The following EEFSEC variants were observed in gnomAD, a reference collection of about 807,000 sequenced individuals.
The protein encoded by EEFSEC is selenocysteine-specific elongation factor.
In EEFSEC, 43 loss-of-function variants were observed where a neutral mutation model predicts 42.1. The ratio of observed to expected loss-of-function variants is 1.02; its 90% CI spans 0.80 to 1.32. The LOEUF is 1.32. EEFSEC is among the 40% of genes most tolerant of loss of function. The probability of loss-of-function intolerance (pLI) is 0.00; values close to 1 mark genes in which losing one functional copy is unlikely to be tolerated. For synonymous variants in EEFSEC, 354 were observed against 339.1 expected (o/e 1.04, Z -0.48); for missense variants, 745 against 803.6 (o/e 0.93, Z 0.88).
At chr3:128,357,789 T>C (rs979723739) in intron 5 of EEFSEC, among the ~76,000 whole-genome samples, 9 of 145,898 alleles carry the variant, frequency 6.2e-5, no homozygotes, top group Non-Finnish European at 1.2e-4. Flanking sequence ...GGCTGGGTCA[T>C]TGTGGCCCCC....
intron 1 of EEFSEC, among the ~76,000 whole-genome samples, chr3:128,181,424 C>T (rs1266002695): frequency 6.6e-6 from 1 of 152,222 alleles, no homozygotes; most frequent in Non-Finnish European, 1.5e-5. Flanking sequence ...GCATTCTGAA[C>T]ACTTTTTTGT....
chr3:128,167,658 C>T (rs2065254720), intron 1 of EEFSEC, among the ~76,000 whole-genome samples: 1 of 152,248 alleles, frequency 6.6e-6, no homozygotes, highest in African/African-American at 2.4e-5. Context: ...GGGAACACGG[C>T]GACCTCAGTG....
chr3:128,163,473 T>G (rs2065211622), intron 1 of EEFSEC, among the ~76,000 whole-genome samples: 2 of 152,148 alleles, frequency 1.3e-5, no homozygotes, highest in African/African-American at 4.8e-5. Context: ...ATAATAATTT[T>G]AAAAACATTT....
chr3:128,215,035 G>A (rs995512611), intron 1 of EEFSEC, among the ~76,000 whole-genome samples: 3 of 152,200 alleles, frequency 2.0e-5, no homozygotes, highest in African/African-American at 4.8e-5. Flanking sequence ...TATTGTGGTT[G>A]TAATAATGTT....
At position 128,375,749 on chromosome 3, in the gene EEFSEC, C is replaced by T. The variant is rs896308799; in HGVS notation, c.1600+17376C>T. ...ACTCCCTGGACAGAGAGCTCTGAAT[C>T]CCAGGTGGCTCCACACTCATTCCAC... On this transcript the variant is annotated intron_variant, in intron 6 of 6. Coordinates refer to ENST00000254730, the MANE Select transcript of EEFSEC (RefSeq NM_021937.5). Among the ~76,000 whole-genome samples, 4 of 152,296 alleles carry T rather than the reference C, an allele frequency of 2.6e-5. No homozygotes were observed. In the East Asian group the frequency reaches 7.7e-4, roughly 29 times the overall value.
At chr3:128,365,783 G>A (rs2067583275) in intron 6 of EEFSEC, among the ~76,000 whole-genome samples, 3 of 152,146 alleles carry the variant, frequency 2.0e-5, no homozygotes, top group African/African-American at 7.2e-5. Context: ...GTGCCACAAG[G>A]ACCTCTCCAA....
chr3:128,224,612 C>T (rs914173946), intron 1 of EEFSEC, among the ~76,000 whole-genome samples: 1 of 152,158 alleles, frequency 6.6e-6, no homozygotes, highest in Non-Finnish European at 1.5e-5. Context: ...TCTCTCTCTC[C>T]CCTGCTTTTC....
At chr3:128,295,980 T>C (rs775579639) in intron 4 of EEFSEC, among the ~76,000 whole-genome samples, 8 of 152,200 alleles carry the variant, frequency 5.3e-5, no homozygotes, top group Admixed American at 2.6e-4. Context: ...GAGTGACCTA[T>C]AGGGCAGCTT....
intron 6 of EEFSEC, among the ~76,000 whole-genome samples, chr3:128,397,378 C>T (rs2067993857): frequency 6.6e-6 from 1 of 152,252 alleles, no homozygotes; most frequent in South Asian, 2.1e-4. Context: ...CAGGCAACCA[C>T]TGGGCCTGCC....
At chr3:128,313,909 C>T (rs1205472813) in intron 4 of EEFSEC, among the ~76,000 whole-genome samples, 1 of 152,218 alleles carries the variant, frequency 6.6e-6, no homozygotes, top group Non-Finnish European at 1.5e-5. Flanking sequence ...GCAGCCACTG[C>T]TGCTGCCATT....
At chr3:128,322,230 C>T (rs1576636137) in intron 4 of EEFSEC, among the ~76,000 whole-genome samples, 1 of 152,256 alleles carries the variant, frequency 6.6e-6, no homozygotes, top group Non-Finnish European at 1.5e-5. Flanking sequence ...CAAATCCCAG[C>T]TCTGCCACCT....
chr3:128,407,156 G>A (rs377099935), intron 6 of EEFSEC, among the ~76,000 whole-genome samples: 20 of 152,086 alleles, frequency 1.3e-4, no homozygotes, highest in South Asian at 2.1e-4. Context: ...GAGTGGGTGC[G>A]TGTCGGGGCA....
chr3:128,340,311 G>A (rs2067236172), intron 4 of EEFSEC, among the ~76,000 whole-genome samples: 1 of 151,556 alleles, frequency 6.6e-6, no homozygotes, highest in African/African-American at 2.4e-5. Context: ...ACCTGGCCTT[G>A]TTTTCTTTAT....
chr3:128,357,354 C>G (rs1239993390), intron 5 of EEFSEC, among the ~76,000 whole-genome samples: 1 of 152,250 alleles, frequency 6.6e-6, no homozygotes, highest in African/African-American at 2.4e-5. Context: ...TTTTCACAGA[C>G]ATGTGTGTCC....
chr3:128,163,560 ATTTCAC>A (rs2065212744), intron 1 of EEFSEC, among the ~76,000 whole-genome samples: 1 of 151,940 alleles, frequency 6.6e-6, no homozygotes, highest in Non-Finnish European at 1.5e-5. Context: ...AAATTCACCC[ATTTCAC>A]TGAGTGTACA....
At chr3:128,300,108 C>T (rs968138543) in intron 4 of EEFSEC, among the ~76,000 whole-genome samples, 2 of 152,196 alleles carry the variant, frequency 1.3e-5, no homozygotes, top group African/African-American at 4.8e-5. Flanking sequence ...ATGTGTTCTT[C>T]CCAAGTCTGG....
At chr3:128,175,481 C>T (rs1009668328) in intron 1 of EEFSEC, among the ~76,000 whole-genome samples, 8 of 151,910 alleles carry the variant, frequency 5.3e-5, no homozygotes, top group African/African-American at 1.7e-4. Context: ...GGAAGACGAG[C>T]GTAGGTGGAA....
chr3:128,333,436 TG>T (rs1282778296), intron 4 of EEFSEC, among the ~76,000 whole-genome samples: 1 of 152,052 alleles, frequency 6.6e-6, no homozygotes, highest in African/African-American at 2.4e-5. Flanking sequence ...TGTGGTGGAG[TG>T]TGTTTTTCTG....
intron 4 of EEFSEC, among the ~76,000 whole-genome samples, chr3:128,296,556 A>C (rs1239001661): frequency 1.3e-5 from 2 of 152,182 alleles, no homozygotes; most frequent in Non-Finnish European, 2.9e-5. Flanking sequence ...ATGGCCATGC[A>C]CAGACCTGCA....
Sources: gnomAD v4.1 joint callset for allele counts (sites outside exome capture counted in the v4.1 genomes callset) on GRCh38, gnomAD v4.1.1 for gene constraint, MANE v1.5 for transcripts, NCBI Gene and HGNC (gene_info 2026-07-23, HGNC 2026-07-21) for gene names.